The following DCAF4 variants were observed in gnomAD, a reference collection of about 807,000 sequenced individuals.
DCAF4 encodes the protein DDB1- and CUL4-associated factor 4.
DCAF4 carries 37 observed loss-of-function variants against 60.9 expected under a neutral mutation model. The observed-to-expected ratio is 0.61, with a 90% CI of 0.47 to 0.80. The LOEUF (loss-of-function observed/expected upper bound fraction) is 0.80, where lower values mean the gene tolerates loss of function less well. Ranked by LOEUF, DCAF4 falls within the 30% of genes least tolerant of loss-of-function variation. The pLI, the probability that DCAF4 is intolerant of heterozygous loss-of-function variation, is 0.00. For synonymous variants in DCAF4, 243 were observed against 254.8 expected (o/e 0.95, Z 0.44); for missense variants, 577 against 650.0 (o/e 0.89, Z 1.22).
intron 1 of DCAF4, among the ~76,000 whole-genome samples, chr14:72,927,862 T>G (rs1379870554): frequency 1.1e-4 from 16 of 152,130 alleles, no homozygotes; most frequent in Admixed American, 1.0e-3. Context: ...AAGAGAAAAT[T>G]TTGTTGTTTT....
chr14:72,940,094 G>C, intron 3 of DCAF4, 126 bp from the exon 4 acceptor site: 2 of 1,361,808 alleles, frequency 1.5e-6, no homozygotes, highest in South Asian at 2.5e-5. Flanking sequence ...GCCTGACAAG[G>C]CAGCTCATCC....
intron 5 of DCAF4, chr14:72,942,168 G>A: frequency 4.1e-6 from 1 of 246,032 alleles, no homozygotes; most frequent in Middle Eastern, 1.3e-3. Flanking sequence ...CTTCTAATGA[G>A]TTGTCACCAA....
In DCAF4 at chr14:72,943,061, T is replaced by C; in HGVS notation, c.499T>C (p.Ser167Pro). 6.2e-7 allele frequency: 1 copy of C among 1,614,162 alleles called. No individual in the cohort carries two copies. The highest frequency in any genetic ancestry group is 2.2e-5 in the East Asian group (1 of 44,888). ...GGTCCAGATTCGAAGCATGGATCCC[T>C]CCGCCTTGGCAAGCGACCGATTTAA... Reference protein sequence around the residue: ...KKVQIRSMDPSALASDRFNLI... With the variant: ...KKVQIRSMDPPALASDRFNLI... Residue 167 changes from serine to proline, a missense_variant, in exon 6 of 14, where the codon TCC becomes CCC. Ser to Pro is a moderately conservative substitution (Grantham distance 74). Coordinates refer to ENST00000358377, the MANE Select transcript of DCAF4 (RefSeq NM_015604.4).
intron 8 of DCAF4, among the ~76,000 whole-genome samples, chr14:72,950,810 GT>G (rs35058095): frequency 0.74 from 111,666 of 151,588 alleles, 42,109 homozygotes; most frequent in East Asian, 0.83. Context: ...ATTTCTGTAT[GT>G]TTTTTTTTAA....
chr14:72,954,610 A>AACCCACTGATCCTT, intron 11 of DCAF4, 127 bp downstream of exon 11: 1 of 889,790 alleles, frequency 1.1e-6, no homozygotes, highest in Non-Finnish European at 1.7e-6. Flanking sequence ...ATCAGAAAGG[A>AACCCACTGATCCTT]TCAGTGGGTT....
chr14:72,939,463 A>AT (rs1197375602), intron 2 of DCAF4, among the ~76,000 whole-genome samples: 1 of 152,238 alleles, frequency 6.6e-6, no homozygotes, highest in Non-Finnish European at 1.5e-5. Flanking sequence ...GTGCTGACAA[A>AT]TGAGCCCAGC....
chr14:72,947,286 C>A, intron 8 of DCAF4, 95 bp downstream of exon 8: 1 of 1,381,924 alleles, frequency 7.2e-7, no homozygotes, highest in Non-Finnish European at 1.0e-6. Context: ...ATCTTAGTGA[C>A]CAGAGGACTA....
intron 1 of DCAF4, 159 bp downstream of exon 1, chr14:72,926,702 G>A (rs1213960487): frequency 6.6e-6 from 1 of 152,324 alleles, no homozygotes; most frequent in Non-Finnish European, 1.5e-5. Flanking sequence ...CGGCGCCACC[G>A]GGCCTAGGTG....
intron 13 of DCAF4, among the ~76,000 whole-genome samples, chr14:72,958,395 T>G (rs1892565960): frequency 6.6e-6 from 1 of 152,252 alleles, no homozygotes; most frequent in East Asian, 1.9e-4. Flanking sequence ...CTCCGAGCCA[T>G]TCATGGCATC....
chr14:72,945,592 C>T (rs1890631786), intron 6 of DCAF4, among the ~76,000 whole-genome samples: 1 of 152,184 alleles, frequency 6.6e-6, no homozygotes, highest in Non-Finnish European at 1.5e-5. Flanking sequence ...TCTCCCAAAC[C>T]CACTTCTGAG....
chr14:72,960,143 C>T (rs945249397), downstream of DCAF4, among the ~76,000 whole-genome samples: 12 of 146,430 alleles, frequency 8.2e-5, no homozygotes, highest in Non-Finnish European at 1.5e-4. Flanking sequence ...ACAGCATATT[C>T]TATAAAGAAC....
chr14:72,942,855 G>C lies in DCAF4; in HGVS notation c.432-139G>C, dbSNP rs540101729. On this transcript the variant is annotated intron_variant, in intron 5 of 13. Transcript: ENST00000358377. ...TTCGGATAATCTGGGATCTTGCTCA[G>C]CTCCATTGCTGAGAAGTACTGTGGA... 8.0e-5 allele frequency: 55 copies of C among 688,112 alleles called. No homozygotes were observed. In the Admixed American group the frequency reaches 1.2e-3, roughly 15 times the overall value. 42.6% of individuals were successfully genotyped at this position (688,112 alleles called of 1,614,324 possible).
rs71109770 is a variant in DCAF4, at chr14:72,955,914, C to CTTTTT, written c.1179+240_1179+244dup. On this transcript the variant is annotated intron_variant, in intron 12 of 13. Transcript: ENST00000358377. ...GTGAAAAGGATTCTCTGGTTATGTC[C>CTTTTT]TTTTTTTTTTTTTTTTTTTTTTTTT... 2.2e-3 allele frequency among the ~76,000 whole-genome samples: 119 copies of CTTTTT among 54,772 alleles called. 7 individuals are homozygous for CTTTTT. Among genetic ancestry groups the CTTTTT allele is most frequent in the East Asian group, 0.011 (16 of 1,496 alleles). 35.9% of individuals were successfully genotyped at this position (54,772 alleles called of 152,430 possible). A position where few individuals can be genotyped will look rare whatever the true frequency, so the allele number is the denominator to read the frequency against.
At chr14:72,942,291 C>A (rs1399279710) in intron 5 of DCAF4, 1 of 156,934 alleles carries the variant, frequency 6.4e-6, no homozygotes, top group Non-Finnish European at 1.4e-5. Context: ...CCCCCATTTC[C>A]TGAAGAAGAG....
chr14:72,942,517 G>A (rs1890179188), intron 5 of DCAF4: 1 of 159,368 alleles, frequency 6.3e-6, no homozygotes, highest in Non-Finnish European at 1.4e-5. Flanking sequence ...GTATCAGGCA[G>A]GGCAGGCCCC....
intron 1 of DCAF4, among the ~76,000 whole-genome samples, chr14:72,931,357 A>G (rs1318205531): frequency 7.0e-6 from 1 of 142,830 alleles, no homozygotes; most frequent in Non-Finnish European, 1.5e-5. Context: ...TTTCTTTCAT[A>G]TTCAGGCTGT....
At chr14:72,942,361 A>T (rs1470521169) in intron 5 of DCAF4, 1 of 154,784 alleles carries the variant, frequency 6.5e-6, no homozygotes, top group African/African-American at 2.4e-5. Context: ...GAACTGTCTG[A>T]CTCCAACACC....
chr14:72,936,563 C>CAAA (rs59287534), intron 1 of DCAF4, among the ~76,000 whole-genome samples: 2 of 129,580 alleles, frequency 1.5e-5, no homozygotes, highest in African/African-American at 3.0e-5. Flanking sequence ...GACTCCATCT[C>CAAA]AAAAAAAAAA....
At chr14:72,927,546 T>C (rs1599553466) in intron 1 of DCAF4, among the ~76,000 whole-genome samples, 1 of 151,674 alleles carries the variant, frequency 6.6e-6, no homozygotes. Context: ...AGAGACGGGG[T>C]TTCACCGTGT....
Sources: gnomAD v4.1 joint callset for allele counts (sites outside exome capture counted in the v4.1 genomes callset) on GRCh38, gnomAD v4.1.1 for gene constraint, MANE v1.5 for transcripts, NCBI Gene and HGNC (gene_info 2026-07-23, HGNC 2026-07-21) for gene names.